Variants in GAREM1 observed in about 807,000 individuals in gnomAD.
GAREM1 encodes the protein GRB2 associated regulator of MAPK1 subtype 1.
Under a neutral mutation model 71.3 loss-of-function variants are expected in GAREM1, and 26 were observed. The ratio of observed to expected loss-of-function variants is 0.36; its 90% CI spans 0.27 to 0.51. The LOEUF is 0.51. Ranked by LOEUF, GAREM1 falls within the 20% of genes least tolerant of loss-of-function variation. GAREM1 has a pLI of 0.95. For synonymous variants in GAREM1, 440 were observed against 433.2 expected (o/e 1.02, Z -0.20); for missense variants, 1,026 against 1,103.1 (o/e 0.93, Z 0.99).
intron 1 of GAREM1, among the ~76,000 whole-genome samples, chr18:32,462,893 T>C (rs548238963): frequency 6.6e-6 from 1 of 152,240 alleles, no homozygotes; most frequent in African/African-American, 2.4e-5. Context: ...GTAGTGAGTA[T>C]AGCAGTGGCT....
At chr18:32,407,001 T>C (rs1321882790) in intron 1 of GAREM1, among the ~76,000 whole-genome samples, 1 of 152,224 alleles carries the variant, frequency 6.6e-6, no homozygotes. Context: ...ATCAGTGTCC[T>C]AAATCTGAGC....
Position 32,268,176 on chromosome 18 carries a change from T to C in GAREM1, c.2326A>G (p.Ile776Val), listed in dbSNP as rs2144408960. ...QYFVKKGMQD[I>V]FSASYPFSSP... ...GAGAAAGGGTAGGAGGCAGAGAAGA[T>C]GTCCTGCATGCCCTTTTTAACAAAA... The change falls in exon 6 of 6, where the codon ATC becomes GTC. Residue 776 changes from isoleucine to valine, a missense_variant. This residue lies in a region of GAREM1 where 636 missense variants were observed against 631.2 expected (regional missense o/e 1.01). Transcript: ENST00000269209. 6.2e-7 allele frequency: 1 copy of C among 1,614,138 alleles called. No individual in the cohort carries two copies. Among genetic ancestry groups the C allele is most frequent in the Non-Finnish European group, 8.5e-7 (1 of 1,180,020 alleles).
intron 1 of GAREM1, among the ~76,000 whole-genome samples, chr18:32,394,383 C>T (rs184636958): frequency 2.0e-4 from 30 of 152,026 alleles, no homozygotes; most frequent in Non-Finnish European, 3.5e-4. Flanking sequence ...GCCTGGGTAA[C>T]GGAGCGAGAC....
intron 1 of GAREM1, among the ~76,000 whole-genome samples, chr18:32,440,019 A>G (rs1014483188): frequency 3.3e-5 from 5 of 152,164 alleles, no homozygotes; most frequent in African/African-American, 1.2e-4. Context: ...CAGTTTCTGC[A>G]CATCTGCTCC....
Position 32,288,208 on chromosome 18 carries a change from A to G in GAREM1, c.394-5T>C. 6.4e-7 allele frequency: 1 copy of G among 1,572,278 alleles called. No individual in the cohort carries two copies. The highest frequency in any genetic ancestry group is 8.6e-7 in the Non-Finnish European group (1 of 1,160,574). ...ATTGCATTCACCTGAAGCAACCTAC[A>G]ATATAATAAATCACATTTTACGTTC... On this transcript the variant is annotated splice_region_variant and splice_polypyrimidine_tract_variant and intron_variant, in intron 3 of 5. Coordinates refer to ENST00000269209, the MANE Select transcript of GAREM1 (RefSeq NM_001242409.2).
At chr18:32,461,532 A>G (rs1315339215) in intron 1 of GAREM1, among the ~76,000 whole-genome samples, 6 of 151,898 alleles carry the variant, frequency 4.0e-5, no homozygotes, top group Admixed American at 3.9e-4. Flanking sequence ...CCATTTCCAT[A>G]AAAAATACAA....
chr18:32,380,260 G>A (rs2048082255), intron 2 of GAREM1, among the ~76,000 whole-genome samples: 1 of 152,118 alleles, frequency 6.6e-6, no homozygotes, highest in Admixed American at 6.5e-5. Flanking sequence ...GGGATCACCT[G>A]AAGTCAGGAG....
rs35166372 is a variant in GAREM1 at position 32,317,393 on chromosome 18, C to CAAA, written c.263-7073_263-7071dup. 4.7e-3 allele frequency among the ~76,000 whole-genome samples: 343 copies of CAAA among 72,534 alleles called. 4 individuals carry two copies. Among genetic ancestry groups the CAAA allele is most frequent in the African/African-American group, 0.015 (325 of 21,228 alleles). The allele number at this position is 72,534 out of a possible 152,430, so 47.6% of individuals were successfully genotyped here. Reference sequence around the variant, plus strand: ...GCATTCCAGTGAGAGCGCTCTGTCACAAAAAAAAAAAAAAAAAAAGCAAAG... The same window carrying CAAA: ...GCATTCCAGTGAGAGCGCTCTGTCACAAAAAAAAAAAAAAAAAAAAAAGCAAAG... On this transcript the variant is annotated intron_variant, in intron 2 of 5. Transcript: ENST00000269209.
At chr18:32,404,404 C>T (rs1052325850) in intron 1 of GAREM1, among the ~76,000 whole-genome samples, 5 of 151,820 alleles carry the variant, frequency 3.3e-5, no homozygotes, top group Admixed American at 6.6e-5. Flanking sequence ...AACAGACACA[C>T]GCTCATGTTG....
chr18:32,359,836 G>A (rs1282242786), intron 2 of GAREM1, among the ~76,000 whole-genome samples: 1 of 152,012 alleles, frequency 6.6e-6, no homozygotes, highest in Non-Finnish European at 1.5e-5. Flanking sequence ...TGAGGACAGA[G>A]GATGGCTGGA....
intron 1 of GAREM1, among the ~76,000 whole-genome samples, chr18:32,458,439 T>C (rs2144307058): frequency 6.6e-6 from 1 of 152,182 alleles, no homozygotes; most frequent in South Asian, 2.1e-4. Flanking sequence ...CTAAATCCAA[T>C]ATCCAGGTTG....
rs3744921 is a variant in GAREM1 at position 32,287,725 on chromosome 18, T to C, written c.872A>G (p.Lys291Arg). The C allele has an allele frequency of 0.01, 16,265 of 1,614,028 alleles. 350 individuals are homozygous for C. Among genetic ancestry groups the C allele is most frequent in the East Asian group, 0.084 (3,757 of 44,842 alleles). Residue 291 changes from lysine to arginine, a missense_variant, in exon 4 of 6, where the codon AAG (lysine) becomes AGG (arginine). Physicochemically the swap from Lys to Arg is conservative, Grantham distance 26. Transcript: ENST00000269209. The surrounding 1 kb of genome is among the most constrained non-coding windows in gnomAD (Gnocchi z 5.9). ...CAAAGGAAAGTGCATGGGGAGGATC[T>C]TGTTGTTCCGCAGCACACAGCAAAC... The part of the protein sequence containing the change: ...VVVCCVLRNN[K>R]ILPMHFPLHL...
intron 2 of GAREM1, among the ~76,000 whole-genome samples, chr18:32,390,816 G>A (rs553482910): frequency 1.1e-4 from 16 of 152,218 alleles, no homozygotes; most frequent in Non-Finnish European, 2.1e-4. Context: ...TTTAACCATG[G>A]GGGAGCTTTT....
At position 32,268,473 on chromosome 18, in the gene GAREM1, G is replaced by A. The variant is rs3859366; in HGVS notation, c.2029C>T (p.Leu677=). Residue 677 remains leucine, a synonymous_variant, in exon 6 of 6, where the codon CTG becomes TTG. Coordinates refer to ENST00000269209, the MANE Select transcript of GAREM1 (RefSeq NM_001242409.2). ...GTGACTGGGCTAGTGGGGCTGGCCA[G>A]GAGCTCACAGCCATCAAAATCAAAA... ...APFDFDGCEL[L]ASPTSPVTAE... 0.037 allele frequency: 59,564 copies of A among 1,614,040 alleles called. 3,412 individuals are homozygous for A. Among genetic ancestry groups the A allele is most frequent in the African/African-American group, 0.27 (19,870 of 74,938 alleles).
chr18:32,426,757 T>C lies in GAREM1; in HGVS notation c.122-33722A>G, dbSNP rs746445071. Among the ~76,000 whole-genome samples, 11 of 152,108 alleles carry C rather than the reference T, an allele frequency of 7.2e-5. No homozygotes were observed. The East Asian group carries it at 1.2e-3, about 16-fold the overall frequency. ...ACAAAATTTATCAAACTTGCAAATA[T>C]AAGTTTTTCAACCATTTTTATTCAT... On this transcript the variant is annotated intron_variant, in intron 1 of 5. Coordinates refer to ENST00000269209, the MANE Select transcript of GAREM1 (RefSeq NM_001242409.2).
intron 2 of GAREM1, among the ~76,000 whole-genome samples, chr18:32,371,640 A>G (rs1204536766): frequency 6.6e-6 from 1 of 152,046 alleles, no homozygotes; most frequent in Admixed American, 6.5e-5. Context: ...AAGTCTGGCT[A>G]TAGAGAGTGG....
intron 1 of GAREM1, among the ~76,000 whole-genome samples, chr18:32,407,851 G>A (rs1433427259): frequency 6.6e-6 from 1 of 152,078 alleles, no homozygotes; most frequent in Non-Finnish European, 1.5e-5. Flanking sequence ...GGGTCTCTGT[G>A]ACTTGAGTCC....
intron 2 of GAREM1, among the ~76,000 whole-genome samples, chr18:32,339,320 G>T (rs2047627216): frequency 6.6e-6 from 1 of 152,188 alleles, no homozygotes; most frequent in South Asian, 2.1e-4. Context: ...CCTGGAAGAA[G>T]CACACCTACC....
chr18:32,362,073 G>A (rs1178859162), intron 2 of GAREM1, among the ~76,000 whole-genome samples: 1 of 152,128 alleles, frequency 6.6e-6, no homozygotes, highest in Non-Finnish European at 1.5e-5. Flanking sequence ...AGGATGGGAA[G>A]CCACAGAGGA....
Sources: allele counts gnomAD v4.1 joint callset (sites outside exome capture counted in the v4.1 genomes callset), GRCh38; gene constraint gnomAD v4.1.1; regional missense constraint gnomAD v4.1.1; non-coding constraint Gnocchi (gnomAD v3.1); transcripts MANE v1.5; gene names NCBI Gene and HGNC (gene_info 2026-07-23, HGNC 2026-07-21).